The following MCTP1 variants were observed in gnomAD, a reference collection of about 807,000 sequenced individuals.
MCTP1 encodes the protein multiple C2 and transmembrane domain-containing protein 1.
A neutral mutation model predicts 120.6 loss-of-function variants in MCTP1; 69 were observed. The observed-to-expected ratio is 0.57, with a 90% CI of 0.47 to 0.70. The LOEUF is 0.70. MCTP1 is among the 30% of genes least tolerant of loss of function. The probability of loss-of-function intolerance (pLI) is 0.00; values close to 1 mark genes in which losing one functional copy is unlikely to be tolerated. For synonymous variants in MCTP1, 529 were observed against 493.1 expected, an observed-to-expected ratio of 1.07 and a Z score of -0.96; for missense variants, 1,203 against 1,248.8, an observed-to-expected ratio of 0.96 and a Z score of 0.55.
At chr5:94,826,482 C>T (rs72775339) in intron 17 of MCTP1, 15 of 695,510 alleles carry the variant, frequency 2.2e-5, no homozygotes, top group Admixed American at 7.1e-5. Flanking sequence ...TTGTCATCCT[C>T]GCCATTCAAA....
chr5:94,921,210 T>C (rs1218739836), intron 7 of MCTP1, among the ~76,000 whole-genome samples: 1 of 152,246 alleles, frequency 6.6e-6, no homozygotes, highest in African/African-American at 2.4e-5. Flanking sequence ...TTTATTGTTT[T>C]CATGAGAAAC....
intron 1 of MCTP1, among the ~76,000 whole-genome samples, chr5:95,197,626 C>T (rs888197155): frequency 1.3e-5 from 2 of 152,066 alleles, no homozygotes; most frequent in Non-Finnish European, 2.9e-5. Context: ...TGTAGAACAT[C>T]ACACACTCAC....
At chr5:95,115,479 G>T (rs946222650) in intron 1 of MCTP1, among the ~76,000 whole-genome samples, 2 of 151,968 alleles carry the variant, frequency 1.3e-5, no homozygotes, top group Admixed American at 6.6e-5. Flanking sequence ...GTTGAAAAAT[G>T]CAATTGGCAT....
intron 12 of MCTP1, among the ~76,000 whole-genome samples, chr5:94,881,277 C>T (rs1051655657): frequency 6.6e-6 from 1 of 152,118 alleles, no homozygotes; most frequent in Non-Finnish European, 1.5e-5. Flanking sequence ...TGCCATGTGG[C>T]TTTAGTACTA....
intron 7 of MCTP1, among the ~76,000 whole-genome samples, chr5:94,919,339 T>G (rs1298631283): frequency 6.6e-6 from 1 of 152,122 alleles, no homozygotes; most frequent in African/African-American, 2.4e-5. Flanking sequence ...TCACTAAAAA[T>G]GAGATATTTT....
chr5:94,857,973 A>G (rs749472867), intron 17 of MCTP1, among the ~76,000 whole-genome samples: 2 of 151,754 alleles, frequency 1.3e-5, no homozygotes, highest in Non-Finnish European at 3.0e-5. Context: ...ATTTAGAAAG[A>G]CAGCGATACA....
chr5:95,063,733 A>T (rs1383005824), intron 1 of MCTP1, among the ~76,000 whole-genome samples: 1 of 152,170 alleles, frequency 6.6e-6, no homozygotes, highest in Non-Finnish European at 1.5e-5. Flanking sequence ...AGTAGCTGGG[A>T]CTACAGGCAT....
At chr5:94,864,872 C>A (rs943460167) in intron 17 of MCTP1, among the ~76,000 whole-genome samples, 4 of 151,894 alleles carry the variant, frequency 2.6e-5, no homozygotes, top group African/African-American at 9.6e-5. Flanking sequence ...CTCTTTCTTC[C>A]CCCATGTTGC....
chr5:95,038,106 G>A (rs1841679472), intron 1 of MCTP1: 1 of 984,556 alleles, frequency 1.0e-6, no homozygotes, highest in Non-Finnish European at 1.2e-6. Flanking sequence ...ACAATCTCAT[G>A]GTCACAGGTG....
intron 1 of MCTP1, among the ~76,000 whole-genome samples, chr5:95,136,970 G>C (rs1277587643): frequency 6.6e-6 from 1 of 152,210 alleles, no homozygotes; most frequent in Non-Finnish European, 1.5e-5. Flanking sequence ...TATTTGTGAA[G>C]TATATGCCAC....
intron 2 of MCTP1, among the ~76,000 whole-genome samples, chr5:94,968,340 A>C (rs1056084999): frequency 5.3e-5 from 8 of 152,176 alleles, no homozygotes; most frequent in Non-Finnish European, 8.8e-5. Flanking sequence ...GAGGCTTGAC[A>C]GGCATCACTT....
In MCTP1 at chr5:94,786,690, G is replaced by T. The variant is rs139291327; in HGVS notation, c.2557-7527C>A. 2.7e-3 allele frequency among the ~76,000 whole-genome samples: 412 copies of T among 152,214 alleles called. 2 individuals are homozygous for T. The highest frequency in any genetic ancestry group is 9.4e-3 in the African/African-American group (389 of 41,546). ...AGTGTACTGTGTGATTGCTAAATTA[G>T]TGTATAATGCATTTATAATATTTAT... On this transcript the variant is annotated intron_variant, in intron 18 of 22. Coordinates refer to ENST00000515393, the MANE Select transcript of MCTP1 (RefSeq NM_024717.7).
At chr5:94,813,214 A>G (rs1033564446) in intron 17 of MCTP1, among the ~76,000 whole-genome samples, 20 of 152,214 alleles carry the variant, frequency 1.3e-4, no homozygotes. Context: ...AGCACATGAA[A>G]AGATGTTCAA....
At chr5:95,008,534 T>C (rs1429752853) in intron 2 of MCTP1, among the ~76,000 whole-genome samples, 2 of 152,180 alleles carry the variant, frequency 1.3e-5, no homozygotes, top group Non-Finnish European at 2.9e-5. Context: ...TTTAAATTAG[T>C]TCCTAGTACA....
intron 17 of MCTP1, among the ~76,000 whole-genome samples, chr5:94,863,209 C>G (rs924311264): frequency 6.6e-6 from 1 of 151,680 alleles, no homozygotes; most frequent in Non-Finnish European, 1.5e-5. Context: ...AGTAAGACCA[C>G]CAATTGTAGA....
At chr5:95,223,375 C>T (rs775541684) in intron 1 of MCTP1, among the ~76,000 whole-genome samples, 17 of 152,042 alleles carry the variant, frequency 1.1e-4, no homozygotes, top group South Asian at 2.1e-4. Context: ...TCACCTGAAC[C>T]GGGAAGTCGA....
rs1581732010 is a variant in MCTP1 at position 94,992,076 on chromosome 5, G to A, written c.838+25291C>T. Reference sequence around the variant, plus strand: ...GTAGGCTGTTAACAGCAGTCACTTGGTAGGACAAAAACTGTGGTGCATCAC... The same window carrying A: ...GTAGGCTGTTAACAGCAGTCACTTGATAGGACAAAAACTGTGGTGCATCAC... On this transcript the variant is annotated intron_variant, in intron 2 of 22. Coordinates refer to ENST00000515393, the MANE Select transcript of MCTP1 (RefSeq NM_024717.7). Among the ~76,000 whole-genome samples, 5 of 152,244 alleles carry A rather than the reference G, an allele frequency of 3.3e-5. No homozygotes were observed. The South Asian group carries it at 1.0e-3, about 32-fold the overall frequency.
chr5:94,915,138 A>G (rs1809717431), intron 8 of MCTP1, among the ~76,000 whole-genome samples: 1 of 152,222 alleles, frequency 6.6e-6, no homozygotes, highest in Admixed American at 6.5e-5. Context: ...GAGCTTTAGA[A>G]TTTAAAAGTG....
chr5:94,770,017 C>T (rs942079125), intron 19 of MCTP1, among the ~76,000 whole-genome samples: 1 of 152,114 alleles, frequency 6.6e-6, no homozygotes, highest in African/African-American at 2.4e-5. Flanking sequence ...TCAAAGAATT[C>T]CTACTTTGTG....
Sources: allele counts gnomAD v4.1 joint callset (sites outside exome capture counted in the v4.1 genomes callset), GRCh38; gene constraint gnomAD v4.1.1; transcripts MANE v1.5; gene names NCBI Gene and HGNC (gene_info 2026-07-23, HGNC 2026-07-21).